FNBP1: variants seen among roughly 807,000 people sequenced by gnomAD.
The protein encoded by FNBP1 is formin-binding protein 1.
A neutral mutation model predicts 90.6 loss-of-function variants in FNBP1; 26 were observed. That is an observed-to-expected ratio of 0.29 (90% CI 0.21 to 0.40). The LOEUF (loss-of-function observed/expected upper bound fraction) is 0.40, where lower values mean the gene tolerates loss of function less well. Ranked by LOEUF, FNBP1 falls within the 10% of genes least tolerant of loss-of-function variation. FNBP1 has a pLI of 1.00. For synonymous variants in FNBP1, 260 were observed against 265.2 expected, an observed-to-expected ratio of 0.98 and a Z score of 0.19; for missense variants, 635 against 768.0, an observed-to-expected ratio of 0.83 and a Z score of 2.05.
At chr9:129,907,075 GC>G (rs937153866) in intron 12 of FNBP1, among the ~76,000 whole-genome samples, 2 of 128,454 alleles carry the variant, frequency 1.6e-5, no homozygotes, top group Admixed American at 8.5e-5. Context: ...ACTGCGCCTG[GC>G]CCAAGCACGT....
chr9:129,949,733 A>C (rs1319613830), intron 6 of FNBP1, among the ~76,000 whole-genome samples: 11 of 150,048 alleles, frequency 7.3e-5, no homozygotes, highest in East Asian at 1.9e-4. Flanking sequence ...CAAAACAAAA[A>C]AAAAAACAGT....
chr9:129,916,274 G>C (rs2131705331), intron 10 of FNBP1: 1 of 364,410 alleles, frequency 2.7e-6, no homozygotes, highest in African/African-American at 2.1e-5. Context: ...CCTCAGCCTA[G>C]ATGTAAATTA....
chr9:129,890,089 GA>G lies in FNBP1; in HGVS notation c.*449del, dbSNP rs1174983197. On this transcript the variant is annotated 3_prime_UTR_variant, in exon 17 of 17. Transcript: ENST00000446176. This position sits in a 1 kb window ranked among gnomAD's most constrained non-coding sequence, Gnocchi z 5.8. ...GGGACACACGGATGACATCGACACG[GA>G]TGACATCGAGTGCTCAGTCCGCCTG... 7.2e-6 allele frequency: 2 copies of G among 277,154 alleles called. No homozygotes were observed. The highest frequency in any genetic ancestry group is 1.4e-5 in the Non-Finnish European group (2 of 145,816). The allele number at this position is 277,154 out of a possible 1,614,324, so 17.2% of individuals were successfully genotyped here.
At chr9:130,050,479 C>T in the FNBP1 span, among the ~76,000 whole-genome samples, 1 of 152,096 alleles carries the variant, frequency 6.6e-6, no homozygotes, top group South Asian at 2.1e-4. Flanking sequence ...ATTCCCGACA[C>T]CCCAAGAAAT....
At chr9:129,998,694 C>T (rs2054382133) in intron 1 of FNBP1, among the ~76,000 whole-genome samples, 1 of 152,276 alleles carries the variant, frequency 6.6e-6, no homozygotes, top group African/African-American at 2.4e-5. Context: ...TATCACTTTG[C>T]ATTCAAACTG....
At chr9:129,969,184 C>A (rs938135575) in intron 4 of FNBP1, among the ~76,000 whole-genome samples, 8 of 152,136 alleles carry the variant, frequency 5.3e-5, no homozygotes. Flanking sequence ...AATTCCACAC[C>A]CATGTTGATC....
chr9:129,896,491 C>A (rs1365996144), intron 15 of FNBP1, among the ~76,000 whole-genome samples: 1 of 152,122 alleles, frequency 6.6e-6, no homozygotes, highest in Non-Finnish European at 1.5e-5. Flanking sequence ...TCAAGCGATT[C>A]TCCTGTCTCA....
At chr9:129,923,758 A>T in intron 10 of FNBP1, 86 bp downstream of exon 10, 1 of 1,370,926 alleles carries the variant, frequency 7.3e-7, no homozygotes, top group Non-Finnish European at 9.5e-7. Flanking sequence ...AACACAATGG[A>T]TTCATTCACA....
At chr9:129,929,262 T>C (rs2042362958) in intron 7 of FNBP1, among the ~76,000 whole-genome samples, 1 of 151,328 alleles carries the variant, frequency 6.6e-6, no homozygotes, top group Non-Finnish European at 1.5e-5. Context: ...ATACAAAAAT[T>C]AGCCGGGCCC....
intron 11 of FNBP1, among the ~76,000 whole-genome samples, chr9:129,911,119 C>A (rs2039202105): frequency 1.3e-5 from 2 of 152,180 alleles, no homozygotes; most frequent in South Asian, 2.1e-4. Flanking sequence ...ACCTCGGCCT[C>A]CCAACGTCCT....
rs781394158 is a variant in FNBP1 at position 129,888,521 on chromosome 9, C to T, written c.*2018G>A. On this transcript the variant is annotated 3_prime_UTR_variant, in exon 17 of 17. Coordinates refer to ENST00000446176, the MANE Select transcript of FNBP1 (RefSeq NM_015033.3). The stretch of plus-strand genomic sequence containing the variant: ...TTCGTCTGTCAAGTCAGTCCTCCTG[C>T]GTGACTGATGGGTGCACCACGCTTA... The T allele has an allele frequency of 4.3e-6, 1 of 232,824 alleles. No homozygotes were observed. Among genetic ancestry groups the T allele is most frequent in the Non-Finnish European group, 8.5e-6 (1 of 117,748 alleles). 14.4% of individuals were successfully genotyped at this position (232,824 alleles called of 1,614,324 possible). A position where few individuals can be genotyped will look rare whatever the true frequency, so the allele number is the denominator to read the frequency against.
chr9:130,053,743 CCGAT>C, the FNBP1 span: 2 of 601,770 alleles, frequency 3.3e-6, no homozygotes, highest in Non-Finnish European at 5.8e-6. Context: ...ACAGGAGCGG[CCGAT>C]CGAAGGGCCC....
intron 1 of FNBP1, among the ~76,000 whole-genome samples, chr9:130,013,238 C>T (rs2056849107): frequency 6.6e-6 from 1 of 152,066 alleles, no homozygotes; most frequent in African/African-American, 2.4e-5. Flanking sequence ...CCTCGGCCTC[C>T]CAAAGTGCTG....
At chr9:129,991,274 G>A (rs1240302384) in intron 2 of FNBP1, among the ~76,000 whole-genome samples, 1 of 139,436 alleles carries the variant, frequency 7.2e-6, no homozygotes, top group Non-Finnish European at 1.5e-5. Context: ...TGGAAATGCA[G>A]ATTTTTTTTT....
chr9:130,053,098 A>G, the FNBP1 span, among the ~76,000 whole-genome samples: 1 of 152,146 alleles, frequency 6.6e-6, no homozygotes, highest in African/African-American at 2.4e-5. Flanking sequence ...CCTGGGTGAC[A>G]AGAGCTAGAC....
Position 129,893,612 on chromosome 9 carries a change from C to CAAAAAAAAA in FNBP1, c.1846+2217_1846+2225dup, listed in dbSNP as rs1216398298. On this transcript the variant is annotated intron_variant, in intron 16 of 16. Coordinates refer to ENST00000446176, the MANE Select transcript of FNBP1 (RefSeq NM_015033.3). ...TAGGTGACAGAGTGAGACTCTGTCT[C>CAAAAAAAAA]AAAAAAAAAAAAAAAAAAAAAAAAA... Among the ~76,000 whole-genome samples, 3 of 22,314 alleles carry CAAAAAAAAA rather than the reference C, an allele frequency of 1.3e-4. 1 individual carries two copies. Among genetic ancestry groups the CAAAAAAAAA allele is most frequent in the African/African-American group, 1.7e-4 (1 of 5,936 alleles). The allele number at this position is 22,314 out of a possible 152,430, so 14.6% of individuals were successfully genotyped here.
At chr9:129,981,570 G>C (rs2051268948) in intron 2 of FNBP1, among the ~76,000 whole-genome samples, 1 of 151,946 alleles carries the variant, frequency 6.6e-6, no homozygotes, top group Non-Finnish European at 1.5e-5. Context: ...TTTGATCATG[G>C]TATGTTTTGC....
At chr9:129,952,369 G>A (rs1310449685) in intron 6 of FNBP1, among the ~76,000 whole-genome samples, 1 of 151,890 alleles carries the variant, frequency 6.6e-6, no homozygotes, top group African/African-American at 2.4e-5. Context: ...TGTGGTGGCA[G>A]GCACCTTAAT....
chr9:129,983,725 C>T (rs1214570640), intron 2 of FNBP1, among the ~76,000 whole-genome samples: 3 of 152,020 alleles, frequency 2.0e-5, no homozygotes, highest in Non-Finnish European at 4.4e-5. Context: ...GCAGGAGAAT[C>T]GCTTAAACCT....
Sources: allele counts gnomAD v4.1 joint callset (sites outside exome capture counted in the v4.1 genomes callset), GRCh38; gene constraint gnomAD v4.1.1; non-coding constraint Gnocchi (gnomAD v3.1); transcripts MANE v1.5; gene names NCBI Gene and HGNC (gene_info 2026-07-23, HGNC 2026-07-21).